The following NLGN1 variants were observed in gnomAD, a reference collection of about 807,000 sequenced individuals.
The protein encoded by NLGN1 is neuroligin-1.
A neutral mutation model predicts 65.5 loss-of-function variants in NLGN1; 12 were observed. That is an observed-to-expected ratio of 0.18 (90% CI 0.12 to 0.30). NLGN1 has a LOEUF of 0.30. NLGN1 is among the 10% of genes least tolerant of loss of function. The pLI is 1.00. For missense variants in NLGN1, 750 were observed against 1,007.1 expected (o/e 0.74, Z 3.46); for synonymous variants, 350 against 359.5 (o/e 0.97, Z 0.30).
At chr3:174,066,544 C>CTG (rs1738604604) in intron 4 of NLGN1, among the ~76,000 whole-genome samples, 1 of 139,790 alleles carries the variant, frequency 7.2e-6, no homozygotes, top group Non-Finnish European at 1.5e-5. Flanking sequence ...CTCTCTCTCT[C>CTG]TCTCTCTCTC....
At chr3:173,758,320 A>G (rs1470180044) in intron 3 of NLGN1, among the ~76,000 whole-genome samples, 1 of 152,046 alleles carries the variant, frequency 6.6e-6, no homozygotes, top group Non-Finnish European at 1.5e-5. Context: ...GTATTTTGTT[A>G]TGAGAGCCCT....
At chr3:174,022,000 T>C (rs1727847238) in intron 4 of NLGN1, among the ~76,000 whole-genome samples, 1 of 151,826 alleles carries the variant, frequency 6.6e-6, no homozygotes, top group African/African-American at 2.4e-5. Flanking sequence ...GAGAAGAGGG[T>C]TCAGTTGTGG....
At chr3:174,050,845 G>C (rs963496762) in intron 4 of NLGN1, among the ~76,000 whole-genome samples, 3 of 152,038 alleles carry the variant, frequency 2.0e-5, no homozygotes, top group Non-Finnish European at 4.4e-5. Context: ...ATGAGGACTA[G>C]AGGTATTTCT....
At chr3:173,814,382 G>C (rs1417964287) in intron 4 of NLGN1, among the ~76,000 whole-genome samples, 2 of 152,176 alleles carry the variant, frequency 1.3e-5, no homozygotes, top group East Asian at 3.8e-4. Flanking sequence ...ATCAATTTTA[G>C]ATTGAGTACT....
At chr3:174,259,987 A>T (rs1577649382) in intron 4 of NLGN1, among the ~76,000 whole-genome samples, 1 of 151,692 alleles carries the variant, frequency 6.6e-6, no homozygotes, top group East Asian at 1.9e-4. Context: ...TTCCAATTTC[A>T]TCCATGTCCC....
At chr3:174,199,903 T>C (rs1243286664) in intron 4 of NLGN1, among the ~76,000 whole-genome samples, 2 of 152,212 alleles carry the variant, frequency 1.3e-5, no homozygotes, top group Admixed American at 1.3e-4. Context: ...ATAAATACCA[T>C]AGGAGCTTAG....
intron 4 of NLGN1, among the ~76,000 whole-genome samples, chr3:173,903,161 A>C (rs576602429): frequency 1.3e-5 from 2 of 152,228 alleles, no homozygotes; most frequent in East Asian, 3.9e-4. Flanking sequence ...ATACTGGGGA[A>C]AAAGGGATAG....
intron 3 of NLGN1, among the ~76,000 whole-genome samples, chr3:173,625,362 C>T (rs534113276): frequency 4.1e-4 from 62 of 152,116 alleles, no homozygotes; most frequent in Admixed American, 4.6e-4. Context: ...ACACGTACCA[C>T]CACTACCACC....
At chr3:174,016,871 C>T (rs951306237) in intron 4 of NLGN1, among the ~76,000 whole-genome samples, 7 of 152,084 alleles carry the variant, frequency 4.6e-5, no homozygotes, top group African/African-American at 7.2e-5. Context: ...GAAGAATTAT[C>T]ACTGGAGGTT....
At chr3:173,821,941 G>C (rs973933951) in intron 4 of NLGN1, among the ~76,000 whole-genome samples, 5 of 152,056 alleles carry the variant, frequency 3.3e-5, no homozygotes, top group Admixed American at 1.3e-4. Context: ...TCAGGTTTAG[G>C]GAAAACAGAA....
At chr3:174,245,654 C>T (rs1743654809) in intron 4 of NLGN1, among the ~76,000 whole-genome samples, 1 of 152,036 alleles carries the variant, frequency 6.6e-6, no homozygotes, top group Non-Finnish European at 1.5e-5. Context: ...AAATTACTCC[C>T]AATTCTCAAC....
chr3:173,674,952 G>T (rs566059935), intron 3 of NLGN1, among the ~76,000 whole-genome samples: 45 of 151,996 alleles, frequency 3.0e-4, no homozygotes, highest in African/African-American at 1.0e-3. Context: ...TCATGTTTCT[G>T]TATGATAAGA....
At chr3:173,777,627 G>A (rs62289942) in intron 3 of NLGN1, among the ~76,000 whole-genome samples, 190 of 11,874 alleles carry the variant, frequency 0.016, 1 homozygote, top group African/African-American at 0.034. Context: ...CTGTCTGTCT[G>A]TCTGTCTATC....
At chr3:173,593,670 A>G (rs1748937247) in intron 2 of NLGN1, among the ~76,000 whole-genome samples, 1 of 152,166 alleles carries the variant, frequency 6.6e-6, no homozygotes, top group Non-Finnish European at 1.5e-5. Flanking sequence ...AATCTTGGTG[A>G]ACAAGTTGGG....
At chr3:173,749,516 T>C (rs1014516656) in intron 3 of NLGN1, among the ~76,000 whole-genome samples, 3 of 152,096 alleles carry the variant, frequency 2.0e-5, no homozygotes, top group African/African-American at 7.2e-5. Flanking sequence ...TCTAGACAAA[T>C]GGCTTGAATG....
chr3:174,120,979 G>A (rs1717652548), intron 4 of NLGN1, among the ~76,000 whole-genome samples: 2 of 152,092 alleles, frequency 1.3e-5, no homozygotes, highest in South Asian at 4.1e-4. Flanking sequence ...CAGAACAATA[G>A]GCCTTGTTAT....
At chr3:173,908,609 T>G (rs1738924756) in intron 4 of NLGN1, among the ~76,000 whole-genome samples, 1 of 152,174 alleles carries the variant, frequency 6.6e-6, no homozygotes, top group African/African-American at 2.4e-5. Context: ...GTCTGTCTAG[T>G]GCAGAGCTGA....
At chr3:174,224,725 C>T (rs1739292873) in intron 4 of NLGN1, among the ~76,000 whole-genome samples, 1 of 152,146 alleles carries the variant, frequency 6.6e-6, no homozygotes. Flanking sequence ...TATGCACTCA[C>T]CTGCCATCAC....
At chr3:173,851,343 G>C (rs892692855) in intron 4 of NLGN1, among the ~76,000 whole-genome samples, 3 of 152,016 alleles carry the variant, frequency 2.0e-5, no homozygotes, top group African/African-American at 7.2e-5. Context: ...TTCTTTTATT[G>C]TTTAAGTCTT....
Sources: allele counts gnomAD v4.1 joint callset (sites outside exome capture counted in the v4.1 genomes callset), GRCh38; gene constraint gnomAD v4.1.1; transcripts MANE v1.5; gene names NCBI Gene and HGNC (gene_info 2026-07-23, HGNC 2026-07-21).